Variants in VCL observed in about 807,000 individuals in gnomAD.
VCL encodes the protein vinculin.
In VCL, 47 loss-of-function variants were observed where a neutral mutation model predicts 125.7. The ratio of observed to expected loss-of-function variants is 0.37; its 90% CI spans 0.30 to 0.48. The LOEUF is 0.48. Among genes scored for constraint, VCL ranks in the 20% least tolerant of loss-of-function variants. The pLI is 0.99. For missense variants in VCL, 1,069 were observed against 1,455.5 expected (o/e 0.73, Z 4.32); for synonymous variants, 458 against 514.6 (o/e 0.89, Z 1.49).
chr10:74,107,188 C>T (rs1485014138), intron 16 of VCL, 42 bp from the exon 17 acceptor site: 4 of 1,613,726 alleles, frequency 2.5e-6, no homozygotes, highest in Non-Finnish European at 2.5e-6. Context: ...TGCTTTGGGG[C>T]ACTGACCCAC....
At chr10:74,045,057 GC>G (rs1430223791) in intron 2 of VCL, among the ~76,000 whole-genome samples, 1 of 152,040 alleles carries the variant, frequency 6.6e-6, no homozygotes, top group African/African-American at 2.4e-5. Flanking sequence ...GATAGTCCCA[GC>G]CACCCAGGAG....
chr10:74,089,168 A>G (rs747550976), intron 8 of VCL, 28 bp from the exon 9 acceptor site: 1 of 1,613,824 alleles, frequency 6.2e-7, no homozygotes, highest in Non-Finnish European at 8.5e-7. Flanking sequence ...GAGGGTGTAC[A>G]ATGACAGCAT....
chr10:74,018,413 C>G lies in VCL; in HGVS notation c.168+20038C>G, dbSNP rs548229452. On this transcript the variant is annotated intron_variant, in intron 1 of 21. Transcript: ENST00000211998. ...GGACTGTGAACTTAGCCTCTGATGC[C>G]AAGGAGCAAACATGGAATGAAAGCA... 2.6e-4 allele frequency among the ~76,000 whole-genome samples: 39 copies of G among 151,706 alleles called. No homozygotes were observed. In the East Asian group the frequency reaches 3.5e-3, roughly 14 times the overall value.
intron 8 of VCL, among the ~76,000 whole-genome samples, chr10:74,083,948 A>G (rs542360407): frequency 6.7e-6 from 1 of 149,760 alleles, no homozygotes; most frequent in African/African-American, 2.5e-5. Context: ...GGTCACTGCA[A>G]CCTCCAGCTC....
chr10:74,105,005 T>C (rs1219384992), intron 15 of VCL, 46 bp from the exon 16 acceptor site: 1 of 1,603,626 alleles, frequency 6.2e-7, no homozygotes, highest in Non-Finnish European at 8.5e-7. Context: ...TTGGAGTTTC[T>C]GTTCTTCTAA....
At chr10:74,011,678 G>A (rs1349072149) in intron 1 of VCL, among the ~76,000 whole-genome samples, 2 of 152,118 alleles carry the variant, frequency 1.3e-5, no homozygotes, top group African/African-American at 4.8e-5. Context: ...GCCCTCAAAT[G>A]TTGCTATGTA....
intron 21 of VCL, among the ~76,000 whole-genome samples, chr10:74,117,410 T>G (rs1026771751): frequency 1.3e-5 from 2 of 152,184 alleles, no homozygotes; most frequent in African/African-American, 4.8e-5. Flanking sequence ...GTCTTAGCAC[T>G]TTGGGAGGCT....
intron 7 of VCL, 87 bp from the exon 8 acceptor site, chr10:74,083,279 C>T (rs1186925436): frequency 6.4e-7 from 1 of 1,555,682 alleles, no homozygotes. Flanking sequence ...ATCATCCATT[C>T]CTTGGTGAAT....
At chr10:74,068,257 G>C (rs1341237785) in intron 2 of VCL, among the ~76,000 whole-genome samples, 1 of 151,976 alleles carries the variant, frequency 6.6e-6, no homozygotes, top group Non-Finnish European at 1.5e-5. Context: ...TATTAGCCTG[G>C]GCTATTATGT....
chr10:74,082,612 GA>G, intron 7 of VCL, 68 bp downstream of exon 7: 1 of 1,525,432 alleles, frequency 6.6e-7, no homozygotes, highest in Non-Finnish European at 9.1e-7. Context: ...ATGAAAGAAA[GA>G]AATTTTCCCA....
chr10:74,065,966 T>C (rs1190122863), intron 2 of VCL, among the ~76,000 whole-genome samples: 2 of 151,204 alleles, frequency 1.3e-5, no homozygotes, highest in African/African-American at 4.9e-5. Flanking sequence ...GCACTATTAT[T>C]CATATTAACA....
intron 13 of VCL, among the ~76,000 whole-genome samples, chr10:74,100,729 G>A (rs1010617876): frequency 6.6e-6 from 1 of 152,196 alleles, no homozygotes; most frequent in African/African-American, 2.4e-5. Flanking sequence ...GTGTGAGTGT[G>A]TTTGTGTGCA....
Position 74,118,632 on chromosome 10 carries a change from G to T in VCL, c.*463G>T. 4.1e-6 allele frequency: 1 copy of T among 245,682 alleles called. No homozygotes were observed. Among genetic ancestry groups the T allele is most frequent in the Non-Finnish European group, 8.1e-6 (1 of 123,448 alleles). 15.2% of individuals were successfully genotyped at this position (245,682 alleles called of 1,614,324 possible). A position where few individuals can be genotyped will look rare whatever the true frequency, so the allele number is the denominator to read the frequency against. On this transcript the variant is annotated 3_prime_UTR_variant, in exon 22 of 22. Transcript: ENST00000211998. ...TTGCTGTGCCTCCCAAAATTGTTTT[G>T]AGCTTTCCATGTTGCTGCCAACCAT...
Position 74,089,445 on chromosome 10 carries a change from T to A in VCL, c.1176+96T>A, listed in dbSNP as rs1839842149. ...TTCTTCTCTGTCTCTTATCATTTAC[T>A]GTGGTTGGATAATGGTTTCTAAGTG... is the stretch of plus-strand genomic sequence containing the variant. On this transcript the variant is annotated intron_variant, in intron 9 of 21. Coordinates refer to ENST00000211998, the MANE Select transcript of VCL (RefSeq NM_014000.3). 4 of 1,560,408 alleles carry A rather than the reference T, an allele frequency of 2.6e-6. No homozygotes were observed. In the South Asian group the frequency reaches 4.6e-5, roughly 18 times the overall value.
At chr10:74,073,759 T>C (rs1315131192) in intron 5 of VCL, among the ~76,000 whole-genome samples, 1 of 152,196 alleles carries the variant, frequency 6.6e-6, no homozygotes, top group African/African-American at 2.4e-5. Flanking sequence ...ATTGAGTGTC[T>C]AGTATATGCC....
chr10:74,100,761 T>C (rs1342160852), intron 13 of VCL, among the ~76,000 whole-genome samples, 187 bp from the exon 14 acceptor site: 2 of 152,204 alleles, frequency 1.3e-5, no homozygotes, highest in African/African-American at 4.8e-5. Flanking sequence ...TGGTGATGGC[T>C]AAACGTCTGA....
intron 2 of VCL, among the ~76,000 whole-genome samples, chr10:74,052,814 G>C (rs1228311076): frequency 6.7e-6 from 1 of 149,684 alleles, no homozygotes; most frequent in African/African-American, 2.5e-5. Context: ...TATCTGTTGA[G>C]TGGATTACAC....
At chr10:74,106,692 A>G (rs1198277553) in intron 16 of VCL, among the ~76,000 whole-genome samples, 1 of 152,252 alleles carries the variant, frequency 6.6e-6, no homozygotes, top group African/African-American at 2.4e-5. Context: ...ATCACTAAGG[A>G]CATGCTTGGT....
intron 9 of VCL, 69 bp downstream of exon 9, chr10:74,089,418 C>T (rs1481162302): frequency 3.6e-5 from 57 of 1,595,424 alleles, no homozygotes; most frequent in Non-Finnish European, 4.9e-5. Flanking sequence ...AATATCCTAT[C>T]TTTCTTCTCT....
Sources: allele counts gnomAD v4.1 joint callset (sites outside exome capture counted in the v4.1 genomes callset), GRCh38; gene constraint gnomAD v4.1.1; transcripts MANE v1.5; gene names NCBI Gene and HGNC (gene_info 2026-07-23, HGNC 2026-07-21).